The following EXPH5 variants were observed in gnomAD, a reference collection of about 807,000 sequenced individuals.
The protein encoded by EXPH5 is exophilin-5.
Under a neutral mutation model 41.1 loss-of-function variants are expected in EXPH5, and 42 were observed. The ratio of observed to expected loss-of-function variants is 1.02; its 90% CI spans 0.80 to 1.32. EXPH5 has a LOEUF of 1.32. Among genes scored for constraint, EXPH5 ranks in the 40% most tolerant of loss-of-function variants. The pLI, the probability that EXPH5 is intolerant of heterozygous loss-of-function variation, is 0.00. For missense variants in EXPH5, 2,298 were observed against 2,314.5 expected (o/e 0.99, Z 0.15); for synonymous variants, 798 against 833.5 (o/e 0.96, Z 0.73).
In EXPH5 at chr11:108,578,664, G is replaced by A. The variant is rs969536075; in HGVS notation, c.119+14754C>T. 5.9e-5 allele frequency among the ~76,000 whole-genome samples: 9 copies of A among 152,176 alleles called. No homozygotes were observed. The South Asian group carries it at 1.0e-3, about 18-fold the overall frequency. ...CAATACTAATTCTTCCAATCCATGAGCATGGGCAACCTTTCCATTTGTTTA... is the reference window on the plus strand; with the variant it reads ...CAATACTAATTCTTCCAATCCATGAACATGGGCAACCTTTCCATTTGTTTA... On this transcript the variant is annotated intron_variant, in intron 1 of 5. Coordinates refer to ENST00000265843, the MANE Select transcript of EXPH5 (RefSeq NM_015065.3).
In EXPH5 at chr11:108,509,711, G is replaced by A. The variant is rs1416904512; in HGVS notation, c.5796C>T (p.Pro1932=). ...GAGAATTTGAGCTTAATGACTCTGA[G>A]GGGTTGGGAGGGTTCCTCAAATCAT... ...LKDDLRNPPN[P]SESLSSNSPS... The change falls in exon 6 of 6, where the codon CCC becomes CCT. Residue 1932 remains proline (P), a synonymous_variant. Transcript: ENST00000265843. 15 of 1,609,000 alleles carry A rather than the reference G, an allele frequency of 9.3e-6. No homozygotes were observed. Among genetic ancestry groups the A allele is most frequent in the Admixed American group, 3.4e-5 (2 of 58,632 alleles).
chr11:108,543,280 C>T (rs758295848), intron 1 of EXPH5, among the ~76,000 whole-genome samples: 3 of 152,044 alleles, frequency 2.0e-5, no homozygotes, highest in Non-Finnish European at 2.9e-5. Flanking sequence ...AATTAAATCA[C>T]TGGTTGTTGT....
At chr11:108,542,939 G>A (rs550083084) in intron 1 of EXPH5, among the ~76,000 whole-genome samples, 5 of 152,200 alleles carry the variant, frequency 3.3e-5, no homozygotes, top group Admixed American at 2.0e-4. Context: ...GGCTGGTCTT[G>A]AACTCCTGAC....
intron 2 of EXPH5, among the ~76,000 whole-genome samples, chr11:108,540,504 G>A (rs1349721741): frequency 6.6e-6 from 1 of 152,044 alleles, no homozygotes; most frequent in Non-Finnish European, 1.5e-5. Flanking sequence ...TATGAGAGTT[G>A]CAAGATATTA....
intron 1 of EXPH5, chr11:108,552,341 CA>C (rs1363182014): frequency 6.6e-6 from 1 of 152,108 alleles, no homozygotes; most frequent in Non-Finnish European, 1.5e-5. Context: ...TTAGAAAAAG[CA>C]AGCAAGTATA....
intron 1 of EXPH5, among the ~76,000 whole-genome samples, chr11:108,585,812 A>G (rs1459804372): frequency 1.3e-5 from 2 of 152,264 alleles, no homozygotes; most frequent in Non-Finnish European, 2.9e-5. Context: ...ATTATTTAAT[A>G]TCATCAAAAT....
intron 4 of EXPH5, among the ~76,000 whole-genome samples, chr11:108,527,706 C>T (rs999768732): frequency 6.6e-6 from 1 of 152,196 alleles, no homozygotes; most frequent in Non-Finnish European, 1.5e-5. Context: ...GGTCAACCCT[C>T]ATGCGAACTT....
intron 3 of EXPH5, among the ~76,000 whole-genome samples, chr11:108,532,894 C>G (rs866486015): frequency 2.0e-5 from 3 of 152,182 alleles, no homozygotes; most frequent in South Asian, 2.1e-4. Flanking sequence ...GCTCCCGCAG[C>G]GTATGGAGTT....
upstream of EXPH5, among the ~76,000 whole-genome samples, chr11:108,596,880 A>T (rs1337761468): frequency 8.6e-6 from 1 of 116,766 alleles, no homozygotes; most frequent in African/African-American, 2.7e-5. Flanking sequence ...ATGCTCTTAA[A>T]ATTAAAATAA....
chr11:108,601,680 CTT>C, the EXPH5 span, among the ~76,000 whole-genome samples: 1 of 151,816 alleles, frequency 6.6e-6, no homozygotes, highest in African/African-American at 2.4e-5. Flanking sequence ...TGGAAACTCT[CTT>C]TCTTTCTTTT....
At chr11:108,542,355 G>A (rs1332931878) in intron 1 of EXPH5, among the ~76,000 whole-genome samples, 1 of 147,594 alleles carries the variant, frequency 6.8e-6, no homozygotes, top group African/African-American at 2.5e-5. Context: ...TTCTTTTTTA[G>A]TATTCTTGTA....
upstream of EXPH5, among the ~76,000 whole-genome samples, chr11:108,598,138 G>T (rs748099178): frequency 6.6e-6 from 1 of 152,190 alleles, no homozygotes; most frequent in Non-Finnish European, 1.5e-5. Context: ...AGACTGACCC[G>T]CATGATGAGA....
At chr11:108,534,296 T>C (rs79941575) in intron 3 of EXPH5, among the ~76,000 whole-genome samples, 2,383 of 152,350 alleles carry the variant, frequency 0.016, 63 homozygotes, top group African/African-American at 0.052. Context: ...TGGGTGATTT[T>C]ATCTGTCATG....
At chr11:108,518,191 T>C (rs1291483252) in intron 5 of EXPH5, 44 bp downstream of exon 5, 3 of 1,573,922 alleles carry the variant, frequency 1.9e-6, no homozygotes, top group Non-Finnish European at 2.6e-6. Flanking sequence ...TTTACTTCCT[T>C]TAGTTATCAG....
intron 4 of EXPH5, among the ~76,000 whole-genome samples, chr11:108,525,210 C>T (rs1234230005): frequency 1.3e-5 from 2 of 152,182 alleles, no homozygotes; most frequent in Non-Finnish European, 2.9e-5. Flanking sequence ...TTAAATTACC[C>T]AGTCTTGGGT....
chr11:108,585,049 A>G (rs1022532204), intron 1 of EXPH5, among the ~76,000 whole-genome samples: 7 of 152,228 alleles, frequency 4.6e-5, no homozygotes, highest in Non-Finnish European at 7.3e-5. Context: ...CTCAAAATTC[A>G]TCAATCAGAA....
intron 4 of EXPH5, among the ~76,000 whole-genome samples, chr11:108,527,450 C>A (rs1031207705): frequency 3.2e-4 from 49 of 152,054 alleles, no homozygotes; most frequent in African/African-American, 1.1e-3. Flanking sequence ...ACTAAGGCTT[C>A]GATCCACTGA....
chr11:108,553,941 T>C (rs1267778790), intron 1 of EXPH5, among the ~76,000 whole-genome samples: 2 of 152,206 alleles, frequency 1.3e-5, no homozygotes, highest in Non-Finnish European at 2.9e-5. Flanking sequence ...ATTAACTAAT[T>C]TAATCTTCAC....
chr11:108,541,980 C>A (rs1484154991), intron 1 of EXPH5, among the ~76,000 whole-genome samples, 168 bp from the exon 2 acceptor site: 1 of 152,070 alleles, frequency 6.6e-6, no homozygotes, highest in Non-Finnish European at 1.5e-5. Flanking sequence ...TGGGCTCAAG[C>A]GATCCTCCCA....
Sources: gnomAD v4.1 joint callset for allele counts (sites outside exome capture counted in the v4.1 genomes callset) on GRCh38, gnomAD v4.1.1 for gene constraint, MANE v1.5 for transcripts, NCBI Gene and HGNC (gene_info 2026-07-23, HGNC 2026-07-21) for gene names.